Variants in ATPAF1 observed in about 807,000 individuals in gnomAD.
The protein encoded by ATPAF1 is ATP synthase mitochondrial F1 complex assembly factor 1, also known as homolog of yeast ATP11.
A neutral mutation model predicts 43.9 loss-of-function variants in ATPAF1; 26 were observed. The ratio of observed to expected loss-of-function variants is 0.59; its 90% confidence interval spans 0.43 to 0.82. The LOEUF is 0.82. ATPAF1 is among the 40% of genes least tolerant of loss of function. The probability of loss-of-function intolerance (pLI) is 0.00; values close to 1 mark genes in which losing one functional copy is unlikely to be tolerated. For missense variants in ATPAF1, 366 were observed against 435.0 expected, an observed-to-expected ratio of 0.84 and a Z score of 1.41; for synonymous variants, 157 against 168.0, an observed-to-expected ratio of 0.93 and a Z score of 0.50.
chr1:46,637,157 G>A (rs2148813326), intron 8 of ATPAF1, among the ~76,000 whole-genome samples: 1 of 152,328 alleles, frequency 6.6e-6, no homozygotes, highest in East Asian at 1.9e-4. Context: ...GAAGAGAAGG[G>A]CAGTAGCAGA....
chr1:46,640,635 A>AAAAC (rs144519905), intron 8 of ATPAF1, among the ~76,000 whole-genome samples: 88,492 of 150,370 alleles, frequency 0.59, 27,925 homozygotes, highest in Non-Finnish European at 0.73. Context: ...CTCTGTCTCA[A>AAAAC]AAACAAACAA....
rs1397993945 is a variant in ATPAF1, at chr1:46,645,271, T to TA, written c.589-16dup. On this transcript the variant is annotated splice_polypyrimidine_tract_variant and intron_variant, in intron 6 of 8. Coordinates refer to ENST00000574428, the Ensembl canonical transcript of ATPAF1. ...GCACATAGAAACTGTGAAAAACAGATATACAAGGAGACAGATGAATAAATG... is the reference window on the plus strand; with the variant it reads ...GCACATAGAAACTGTGAAAAACAGATAATACAAGGAGACAGATGAATAAATG... The TA allele has an allele frequency of 1.3e-6, 2 of 1,571,598 alleles. No homozygotes were observed. The highest frequency in any genetic ancestry group is 1.3e-5 in the African/African-American group (1 of 74,128).
intron 2 of ATPAF1, among the ~76,000 whole-genome samples, chr1:46,659,882 T>C (rs1029479168): frequency 1.3e-5 from 2 of 152,262 alleles, no homozygotes; most frequent in African/African-American, 4.8e-5. Context: ...CCCTTTAGTC[T>C]TTTTGGTCAC....
chr1:46,651,763 AATTTTTGCAACCTACTC>A (rs1676174183), intron 6 of ATPAF1, among the ~76,000 whole-genome samples: 1 of 152,168 alleles, frequency 6.6e-6, no homozygotes, highest in Non-Finnish European at 1.5e-5. Context: ...AATGGGAGAA[AATTTTTGCAACCTACTC>A]ATCTGACAAA....
chr1:46,639,900 G>C (rs1327562496), intron 8 of ATPAF1, among the ~76,000 whole-genome samples: 2 of 152,234 alleles, frequency 1.3e-5, no homozygotes, highest in African/African-American at 4.8e-5. Context: ...CCACCAGAGT[G>C]AGGTGGTAAA....
Position 46,668,298 on chromosome 1 carries a change from C to T in ATPAF1, c.25G>A (p.Ala9Thr). 1 of 1,381,508 alleles carries T rather than the reference C, an allele frequency of 7.2e-7. No homozygotes were observed. The allele number at this position is 1,381,508 out of a possible 1,614,324, so 85.6% of individuals were successfully genotyped here. A position where few individuals can be genotyped will look rare whatever the true frequency, so the allele number is the denominator to read the frequency against. ...AGGACCGCCGGTCCCGCGCCACCCG[C>T]AGCCGCCACCACCACAGCAGCCATG... The change falls in exon 1 of 9, where the codon GCG (alanine) becomes ACG (threonine). Residue 9 changes from alanine (A) to threonine (T), a missense_variant. Coordinates refer to ENST00000574428, the Ensembl canonical transcript of ATPAF1. The surrounding 1 kb of genome is among the most constrained non-coding windows in gnomAD (Gnocchi z 4.4).
chr1:46,663,135 G>A (rs1676424914), intron 2 of ATPAF1, among the ~76,000 whole-genome samples: 1 of 152,164 alleles, frequency 6.6e-6, no homozygotes, highest in African/African-American at 2.4e-5. Flanking sequence ...TGGCTGCATA[G>A]TATTCCATGG....
intron 6 of ATPAF1, 32 bp from the exon 7 acceptor site, chr1:46,645,288 G>T: frequency 6.7e-7 from 1 of 1,498,512 alleles, no homozygotes; most frequent in Non-Finnish European, 9.3e-7. Context: ...GGAGACAGAT[G>T]AATAAATGAA....
At chr1:46,638,708 T>A (rs748356238) in intron 8 of ATPAF1, among the ~76,000 whole-genome samples, 1 of 152,006 alleles carries the variant, frequency 6.6e-6, no homozygotes, top group Non-Finnish European at 1.5e-5. Flanking sequence ...CTACCTCTCA[T>A]GGAGGGTTAT....
intron 6 of ATPAF1, among the ~76,000 whole-genome samples, chr1:46,648,214 C>T (rs1041950599): frequency 3.9e-5 from 6 of 152,076 alleles, no homozygotes; most frequent in South Asian, 2.1e-4. Flanking sequence ...CAGGTTCAAG[C>T]GATTCTCATG....
intron 6 of ATPAF1, among the ~76,000 whole-genome samples, chr1:46,649,296 T>C (rs1569610723): frequency 6.6e-6 from 1 of 152,176 alleles, no homozygotes; most frequent in Non-Finnish European, 1.5e-5. Context: ...GAAAAGATTA[T>C]CCTTTCTCTA....
At chr1:46,665,357 G>C (rs1676471242) in exon 2 of ATPAF1, 1 of 1,614,144 alleles carries the variant, frequency 6.2e-7, no homozygotes, top group South Asian at 1.1e-5. Context: ...AAAGCAGCTG[G>C]GTCTGACCTG....
intron 1 of ATPAF1, among the ~76,000 whole-genome samples, chr1:46,667,072 C>T (rs1006156660): frequency 4.6e-5 from 7 of 152,206 alleles, no homozygotes; most frequent in Admixed American, 6.5e-5. Flanking sequence ...AGCAAAAATA[C>T]TCATTCATTT....
rs1381802810 is a variant in ATPAF1 at position 46,668,356 on chromosome 1, G to A, written c.-34C>T. ...CCGCCTCCTCCTCCTCCTCAGGCGC[G>A]TCGGCCTCGGCCCGCGGCCCGCGCG... On this transcript the variant is annotated 5_prime_UTR_variant, in exon 1 of 9. It adds an upstream start codon to the 5' untranslated region. Coordinates refer to ENST00000574428, the Ensembl canonical transcript of ATPAF1. The surrounding 1 kb of genome is among the most constrained non-coding windows in gnomAD (Gnocchi z 4.4). 7.6e-7 allele frequency: 1 copy of A among 1,316,830 alleles called. No homozygotes were observed. Among genetic ancestry groups the A allele is most frequent in the Admixed American group, 3.2e-5 (1 of 31,634 alleles). The allele number at this position is 1,316,830 out of a possible 1,614,324, so 81.6% of individuals were successfully genotyped here.
chr1:46,665,584 A>C, intron 1 of ATPAF1: 7 of 1,340,668 alleles, frequency 5.2e-6, no homozygotes, highest in Non-Finnish European at 7.2e-6. Flanking sequence ...GGGCCTGTGT[A>C]ACATTTTTCT....
chr1:46,636,734 A>G (rs1675848707), intron 8 of ATPAF1, among the ~76,000 whole-genome samples: 1 of 151,484 alleles, frequency 6.6e-6, no homozygotes, highest in African/African-American at 2.4e-5. Flanking sequence ...AGCCCCTTAA[A>G]AAAAAAAAAA....
chr1:46,653,834 CTG>C lies in ATPAF1; in HGVS notation c.521_522del (p.Thr174SerfsTer11). The C allele has an allele frequency of 6.2e-7, 1 of 1,611,276 alleles. No homozygotes were observed. The highest frequency in any genetic ancestry group is 8.5e-7 in the Non-Finnish European group (1 of 1,178,810). Reference sequence around the variant, plus strand: ...CTACTTACAGGAATAACTGCGTAGACTGTATCTTTTGCTGCAAAATATTGCTG... The same window carrying C: ...CTACTTACAGGAATAACTGCGTAGACTATCTTTTGCTGCAAAATATTGCTG... On this transcript the variant is annotated frameshift_variant, in exon 5 of 9. Coordinates refer to ENST00000574428, the Ensembl canonical transcript of ATPAF1. LOFTEE classifies it high-confidence loss of function. The surrounding 1 kb of genome is among the most constrained non-coding windows in gnomAD (Gnocchi z 4.8).
intron 4 of ATPAF1, among the ~76,000 whole-genome samples, chr1:46,656,202 A>G (rs543191444): frequency 6.6e-6 from 1 of 152,344 alleles, no homozygotes; most frequent in Non-Finnish European, 1.5e-5. Context: ...GTAGGGCAGG[A>G]GAAGGAGATA....
rs572569205 is a variant in ATPAF1 at position 46,654,243 on chromosome 1, G to C, written c.490-376C>G. 1.7e-3 allele frequency among the ~76,000 whole-genome samples: 258 copies of C among 151,932 alleles called. 2 individuals are homozygous for C. The highest frequency in any genetic ancestry group is 6.1e-3 in the African/African-American group (252 of 41,432). On this transcript the variant is annotated intron_variant, in intron 4 of 8. Transcript: ENST00000574428. ...CCAGAGAGTCAGGACTAGAGCTCAG[G>C]GTTCACAGTCAGGCAGACCTGGATG...
Sources: gnomAD v4.1 joint callset for allele counts (sites outside exome capture counted in the v4.1 genomes callset) on GRCh38, gnomAD v4.1.1 for gene constraint, Gnocchi (gnomAD v3.1) non-coding constraint, MANE v1.5 for transcripts, NCBI Gene and HGNC (gene_info 2026-07-23, HGNC 2026-07-21) for gene names.